The following EPHA6 variants were observed in gnomAD, a reference collection of about 807,000 sequenced individuals.
The protein encoded by EPHA6 is EPH receptor A6, also known as ephrin type-A receptor 6.
Under a neutral mutation model 112.0 loss-of-function variants are expected in EPHA6, and 50 were observed. The observed-to-expected ratio is 0.45, with a 90% CI of 0.36 to 0.56. The LOEUF (loss-of-function observed/expected upper bound fraction) is 0.56, where lower values mean the gene tolerates loss of function less well. Among genes scored for constraint, EPHA6 ranks in the 20% least tolerant of loss-of-function variants. EPHA6 has a pLI of 0.00. For missense variants in EPHA6, 1,280 were observed against 1,417.4 expected (o/e 0.90, Z 1.56); for synonymous variants, 529 against 490.7 (o/e 1.08, Z -1.03).
At position 96,987,700 on chromosome 3, in the gene EPHA6, A is replaced by C. The variant is rs1425175480; in HGVS notation, c.821A>C (p.Glu274Ala). The change falls in exon 3 of 18, where the codon GAA (glutamate) becomes GCA (alanine). Residue 274 changes from glutamate to alanine, a missense_variant. Physicochemically the swap from Glu to Ala is moderately radical, Grantham distance 107 (BLOSUM62 -1). Transcript: ENST00000389672. ...GAAATTCGTGAGGTGGGGCCTATAG[A>C]AAGGAAAGGATTTTATCTGGCTTTT... ...NTEIREVGPI[E>A]RKGFYLAFQD... 6.2e-7 allele frequency: 1 copy of C among 1,607,540 alleles called. No homozygotes were observed. The highest frequency in any genetic ancestry group is 1.7e-5 in the Admixed American group (1 of 59,580).
intron 3 of EPHA6, among the ~76,000 whole-genome samples, chr3:97,215,705 T>C (rs2078015764): frequency 6.6e-6 from 1 of 152,182 alleles, no homozygotes; most frequent in African/African-American, 2.4e-5. Flanking sequence ...AATTGACTTT[T>C]GCCATATGTA....
chr3:97,269,532 A>G (rs1002817240), intron 5 of EPHA6, among the ~76,000 whole-genome samples: 8 of 152,174 alleles, frequency 5.3e-5, no homozygotes, highest in African/African-American at 1.9e-4. Flanking sequence ...TGATGCTGCT[A>G]CCCTTTGAGT....
At chr3:97,043,399 A>G (rs762125268) in intron 3 of EPHA6, among the ~76,000 whole-genome samples, 1 of 152,198 alleles carries the variant, frequency 6.6e-6, no homozygotes, top group Non-Finnish European at 1.5e-5. Flanking sequence ...TCCTCTGAGC[A>G]GGAATATAAT....
At chr3:97,077,766 G>T (rs1489712443) in intron 3 of EPHA6, among the ~76,000 whole-genome samples, 1 of 152,018 alleles carries the variant, frequency 6.6e-6, no homozygotes, top group East Asian at 1.9e-4. Context: ...GTGTGTATGT[G>T]CCACATTTTC....
chr3:97,718,033 A>G (rs1238492214), intron 14 of EPHA6, among the ~76,000 whole-genome samples: 1 of 152,230 alleles, frequency 6.6e-6, no homozygotes, highest in Non-Finnish European at 1.5e-5. Flanking sequence ...GTTTTCTGGA[A>G]CAAAGAAAGA....
At chr3:97,700,785 A>G (rs77054801) in intron 14 of EPHA6, among the ~76,000 whole-genome samples, 1,708 of 152,316 alleles carry the variant, frequency 0.011, 26 homozygotes, top group African/African-American at 0.039. Context: ...AGTTCTGCAT[A>G]TTATAATCTA....
intron 1 of EPHA6, among the ~76,000 whole-genome samples, chr3:96,839,834 A>T (rs1442959612): frequency 6.6e-6 from 1 of 152,098 alleles, no homozygotes; most frequent in Non-Finnish European, 1.5e-5. Flanking sequence ...GCACAGCAGT[A>T]AATCTATTAT....
chr3:97,191,918 A>T (rs780131532), intron 3 of EPHA6, among the ~76,000 whole-genome samples: 3 of 152,132 alleles, frequency 2.0e-5, no homozygotes, highest in African/African-American at 7.2e-5. Context: ...ACAGTTCTCC[A>T]TAGTCACTGT....
chr3:97,541,904 ATATTAAG>A (rs1225682680), intron 11 of EPHA6, among the ~76,000 whole-genome samples: 1 of 151,562 alleles, frequency 6.6e-6, no homozygotes, highest in Non-Finnish European at 1.5e-5. Context: ...AGGGGAGTTA[ATATTAAG>A]TATTAACTCA....
intron 2 of EPHA6, among the ~76,000 whole-genome samples, chr3:96,930,960 A>G (rs2040282525): frequency 7.9e-6 from 1 of 125,880 alleles, no homozygotes; most frequent in South Asian, 2.9e-4. Context: ...ACATTGCACT[A>G]CAGCCTGGGT....
chr3:97,333,199 G>A (rs1262912662), intron 5 of EPHA6, among the ~76,000 whole-genome samples: 2 of 151,880 alleles, frequency 1.3e-5, no homozygotes, highest in South Asian at 2.1e-4. Context: ...GAGTGTATGT[G>A]TAAGTATTCA....
chr3:97,370,806 C>T (rs1355561192), intron 5 of EPHA6, among the ~76,000 whole-genome samples: 1 of 151,934 alleles, frequency 6.6e-6, no homozygotes, highest in African/African-American at 2.4e-5. Context: ...TATAGGGCTG[C>T]AATTATTATA....
chr3:97,078,852 C>G (rs1252119088), intron 3 of EPHA6, among the ~76,000 whole-genome samples: 1 of 152,080 alleles, frequency 6.6e-6, no homozygotes, highest in African/African-American at 2.4e-5. Flanking sequence ...TAATCTACTA[C>G]TGGTGAGGAT....
intron 3 of EPHA6, among the ~76,000 whole-genome samples, chr3:97,190,711 T>C (rs1265768675): frequency 6.6e-6 from 1 of 152,070 alleles, no homozygotes; most frequent in Non-Finnish European, 1.5e-5. Flanking sequence ...TCTCACATAC[T>C]TATTTTTTGT....
chr3:97,378,271 T>C (rs1434383364), intron 5 of EPHA6, among the ~76,000 whole-genome samples: 1 of 152,188 alleles, frequency 6.6e-6, no homozygotes, highest in African/African-American at 2.4e-5. Context: ...GTTCTGAGGC[T>C]GTAGGTGCAC....
intron 2 of EPHA6, among the ~76,000 whole-genome samples, chr3:96,929,867 G>A (rs1324843091): frequency 6.6e-6 from 1 of 152,122 alleles, no homozygotes; most frequent in Non-Finnish European, 1.5e-5. Flanking sequence ...ACCCCAAGCA[G>A]TCATAGGTTT....
chr3:97,333,010 A>G (rs1374821549), intron 5 of EPHA6, among the ~76,000 whole-genome samples: 6 of 152,022 alleles, frequency 3.9e-5, no homozygotes, highest in African/African-American at 1.4e-4. Context: ...CTTTGTTTTC[A>G]GTAGGAAATT....
intron 5 of EPHA6, among the ~76,000 whole-genome samples, chr3:97,392,028 A>G (rs1448530219): frequency 6.6e-6 from 1 of 151,852 alleles, no homozygotes; most frequent in Non-Finnish European, 1.5e-5. Context: ...ACACTCTTGA[A>G]GCCAATGGTC....
Position 97,198,098 on chromosome 3 carries a change from GCC to G in EPHA6, c.1115-28165_1115-28164del, listed in dbSNP as rs2077486660. 2.6e-5 allele frequency among the ~76,000 whole-genome samples: 4 copies of G among 152,166 alleles called. No homozygotes were observed. The South Asian group carries it at 8.3e-4, about 32-fold the overall frequency. The stretch of plus-strand genomic sequence containing the variant: ...AGACTATCTTTTCTACACTGTTCAT[GCC>G]TCTTTCCTTATGATGTTAAAACCAG... On this transcript the variant is annotated intron_variant, in intron 3 of 17. Coordinates refer to ENST00000389672, the MANE Select transcript of EPHA6 (RefSeq NM_001080448.3).
Sources: gnomAD v4.1 joint callset for allele counts (sites outside exome capture counted in the v4.1 genomes callset) on GRCh38, gnomAD v4.1.1 for gene constraint, MANE v1.5 for transcripts, NCBI Gene and HGNC (gene_info 2026-07-23, HGNC 2026-07-21) for gene names.